HIBADH: variants seen among roughly 807,000 people sequenced by gnomAD.
HIBADH encodes 3-hydroxyisobutyrate dehydrogenase, mitochondrial.
In HIBADH, 25 loss-of-function variants were observed where a neutral mutation model predicts 36.1. That is an observed-to-expected ratio of 0.69 (90% CI 0.50 to 0.97). HIBADH has a LOEUF of 0.97. Among genes scored for constraint, HIBADH ranks in the 50% least tolerant of loss-of-function variants. The pLI, the probability that HIBADH is intolerant of heterozygous loss-of-function variation, is 0.00. For missense variants in HIBADH, 421 were observed against 418.0 expected, an observed-to-expected ratio of 1.01 and a Z score of -0.06; for synonymous variants, 160 against 149.5, an observed-to-expected ratio of 1.07 and a Z score of -0.51.
intron 4 of HIBADH, among the ~76,000 whole-genome samples, chr7:27,582,938 G>A (rs1784814414): frequency 6.6e-6 from 1 of 152,018 alleles, no homozygotes; most frequent in Admixed American, 6.6e-5. Flanking sequence ...TGACCTCACA[G>A]GGCTTTTGTG....
intron 4 of HIBADH, among the ~76,000 whole-genome samples, chr7:27,607,574 T>G (rs79229741): frequency 0.034 from 5,202 of 152,226 alleles, 117 homozygotes; most frequent in South Asian, 0.093. Flanking sequence ...ATGTCGCTGC[T>G]CTTATTCCTT....
intron 4 of HIBADH, among the ~76,000 whole-genome samples, chr7:27,552,152 G>T (rs566671557): frequency 6.6e-6 from 1 of 152,200 alleles, no homozygotes; most frequent in South Asian, 2.1e-4. Flanking sequence ...AAAGATTGCC[G>T]TGCACAATCA....
At chr7:27,562,788 C>T in intron 4 of HIBADH, among the ~76,000 whole-genome samples, 1 of 152,218 alleles carries the variant, frequency 6.6e-6, no homozygotes, top group African/African-American at 2.4e-5. Flanking sequence ...CTCAGACTTC[C>T]CTTTAGGATC....
chr7:27,558,885 T>A (rs562378598), intron 4 of HIBADH, among the ~76,000 whole-genome samples: 7 of 152,346 alleles, frequency 4.6e-5, no homozygotes, highest in Middle Eastern at 3.4e-3. Context: ...TCCAGCAGAA[T>A]ATTTTCAAGT....
At chr7:27,609,007 C>G (rs1197019823) in intron 4 of HIBADH, among the ~76,000 whole-genome samples, 3 of 152,130 alleles carry the variant, frequency 2.0e-5, no homozygotes, top group Admixed American at 1.3e-4. Context: ...AATTACAGTG[C>G]AATTAAAATT....
At chr7:27,548,274 T>G (rs775082528) in intron 4 of HIBADH, among the ~76,000 whole-genome samples, 12 of 151,902 alleles carry the variant, frequency 7.9e-5, no homozygotes, top group Middle Eastern at 3.4e-3. Flanking sequence ...TACTTATAGT[T>G]GACATCAAAA....
chr7:27,534,429 G>A (rs997233420), intron 6 of HIBADH, among the ~76,000 whole-genome samples: 5 of 152,144 alleles, frequency 3.3e-5, no homozygotes, highest in African/African-American at 7.2e-5. Context: ...CACGTGCAGC[G>A]AAGGAGACAG....
chr7:27,610,606 A>G (rs1055337223), intron 4 of HIBADH, among the ~76,000 whole-genome samples: 1 of 152,184 alleles, frequency 6.6e-6, no homozygotes, highest in African/African-American at 2.4e-5. Context: ...AGCACTTGTG[A>G]GAGTATCAAA....
rs1223824722 is a variant in HIBADH, at chr7:27,606,172, G to A, written c.484+23199C>T. Among the ~76,000 whole-genome samples the A allele has an allele frequency of 2.6e-5, 4 of 152,092 alleles. No homozygotes were observed. In the East Asian group the frequency reaches 5.8e-4, roughly 22 times the overall value. ...TAAAAGTTGAAATGTTTAAATATGGGGGAGGGGGTAAGATGGAGTAACCAA... is the reference window on the plus strand; with the variant it reads ...TAAAAGTTGAAATGTTTAAATATGGAGGAGGGGGTAAGATGGAGTAACCAA... On this transcript the variant is annotated intron_variant, in intron 4 of 7. Coordinates refer to ENST00000265395, the MANE Select transcript of HIBADH (RefSeq NM_152740.4).
At chr7:27,591,109 T>C (rs142974138) in intron 4 of HIBADH, among the ~76,000 whole-genome samples, 11 of 152,338 alleles carry the variant, frequency 7.2e-5, no homozygotes, top group African/African-American at 1.2e-4. Context: ...TTTTTCTAAA[T>C]TGAGGCACCA....
intron 4 of HIBADH, among the ~76,000 whole-genome samples, chr7:27,608,559 G>GC (rs551942326): frequency 8.1e-4 from 124 of 152,214 alleles, no homozygotes; most frequent in African/African-American, 2.9e-3. Flanking sequence ...GATTATGGTA[G>GC]CAAGGCCCTT....
At chr7:27,551,288 A>G (rs931194073) in intron 4 of HIBADH, among the ~76,000 whole-genome samples, 2 of 152,184 alleles carry the variant, frequency 1.3e-5, no homozygotes, top group African/African-American at 4.8e-5. Context: ...ACTTGGAAAG[A>G]AATCACAGTG....
At chr7:27,601,809 A>G (rs767276697) in intron 4 of HIBADH, among the ~76,000 whole-genome samples, 5 of 152,120 alleles carry the variant, frequency 3.3e-5, no homozygotes, top group African/African-American at 4.8e-5. Flanking sequence ...TTAGTTAACT[A>G]GATTAAAGCA....
At chr7:27,552,226 A>G (rs765673045) in intron 4 of HIBADH, among the ~76,000 whole-genome samples, 14 of 152,142 alleles carry the variant, frequency 9.2e-5, no homozygotes, top group Non-Finnish European at 1.9e-4. Flanking sequence ...TCCATGTCAG[A>G]TGTTCTCTTG....
intron 4 of HIBADH, among the ~76,000 whole-genome samples, chr7:27,557,202 T>G (rs578044737): frequency 4.6e-5 from 7 of 151,066 alleles, no homozygotes; most frequent in African/African-American, 1.5e-4. Context: ...AGCTTAAGGT[T>G]TTTTTTTTAA....
intron 4 of HIBADH, among the ~76,000 whole-genome samples, chr7:27,567,127 T>G (rs1052620515): frequency 6.6e-6 from 1 of 152,202 alleles, no homozygotes; most frequent in Non-Finnish European, 1.5e-5. Flanking sequence ...GAGAGAAGTG[T>G]TGAAGTCTCC....
intron 4 of HIBADH, among the ~76,000 whole-genome samples, chr7:27,608,260 C>G (rs1785264785): frequency 6.6e-6 from 1 of 152,194 alleles, no homozygotes; most frequent in Admixed American, 6.5e-5. Flanking sequence ...CAACAATCTT[C>G]TACCTTCAGG....
At chr7:27,661,705 C>A (rs1423119916) in intron 1 of HIBADH, among the ~76,000 whole-genome samples, 3 of 151,128 alleles carry the variant, frequency 2.0e-5, no homozygotes, top group East Asian at 3.9e-4. Flanking sequence ...TGTTATTAAT[C>A]CTCAGTATGA....
At chr7:27,565,776 TTTTTG>T (rs1273542846) in intron 4 of HIBADH, among the ~76,000 whole-genome samples, 1 of 152,172 alleles carries the variant, frequency 6.6e-6, no homozygotes. Context: ...CTATAGGTTG[TTTTTG>T]TTTTAGTACA....
Sources: gnomAD v4.1 joint callset for allele counts (sites outside exome capture counted in the v4.1 genomes callset) on GRCh38, gnomAD v4.1.1 for gene constraint, MANE v1.5 for transcripts, NCBI Gene and HGNC (gene_info 2026-07-23, HGNC 2026-07-21) for gene names.